Variants in C5orf15 observed in about 807,000 individuals in gnomAD.
C5orf15 encodes keratinocyte-associated transmembrane protein 2.
In C5orf15, 10 loss-of-function variants were observed where a neutral mutation model predicts 17.8. That is an observed-to-expected ratio of 0.56 (90% CI 0.35 to 0.95). The LOEUF is 0.95. Ranked by LOEUF, C5orf15 falls within the 40% of genes least tolerant of loss-of-function variation. C5orf15 has a pLI of 0.02. For synonymous variants in C5orf15, 124 were observed against 131.0 expected (o/e 0.95, Z 0.36); for missense variants, 319 against 331.7 (o/e 0.96, Z 0.30).
chr5:133,962,553 T>G (rs980831623), intron 1 of C5orf15, among the ~76,000 whole-genome samples: 1 of 152,188 alleles, frequency 6.6e-6, no homozygotes, highest in Non-Finnish European at 1.5e-5. Flanking sequence ...CCCCTAATTC[T>G]TAATGATCTT....
chr5:133,959,354 A>T, intron 2 of C5orf15, 140 bp downstream of exon 2: 1 of 513,808 alleles, frequency 1.9e-6, no homozygotes. Flanking sequence ...TGATTGTGCC[A>T]CTGTACTCCA....
chr5:133,958,424 A>G (rs2126876166), intron 2 of C5orf15, among the ~76,000 whole-genome samples: 1 of 151,966 alleles, frequency 6.6e-6, no homozygotes, highest in African/African-American at 2.4e-5. Context: ...TAAAAATACG[A>G]AAATTAGCCA....
At chr5:133,961,772 ATT>A (rs55963520) in intron 1 of C5orf15, among the ~76,000 whole-genome samples, 19 of 141,670 alleles carry the variant, frequency 1.3e-4, no homozygotes, top group Middle Eastern at 3.5e-3. Context: ...GCCATATGCA[ATT>A]TTTTTTTTTT....
chr5:133,959,404 C>CGA (rs1752084810), intron 2 of C5orf15, 90 bp downstream of exon 2: 1 of 121,926 alleles, frequency 8.2e-6, no homozygotes, highest in Admixed American at 2.2e-4. Flanking sequence ...CTTTTTTTTG[C>CGA]AAAAAAAAAA....
intron 1 of C5orf15, among the ~76,000 whole-genome samples, chr5:133,963,902 C>T (rs1004471568): frequency 6.6e-6 from 1 of 152,094 alleles, no homozygotes. Context: ...CTACCTATAC[C>T]ATAGAATATT....
Position 133,968,554 on chromosome 5 carries a change from C to T in C5orf15, c.31G>A (p.Gly11Arg). 6.2e-7 allele frequency: 1 copy of T among 1,610,136 alleles called. No homozygotes were observed. Among genetic ancestry groups the T allele is most frequent in the Non-Finnish European group, 8.5e-7 (1 of 1,178,796 alleles). Residue 11 changes from glycine to arginine, a missense_variant, in exon 1 of 3, where the codon GGG becomes AGG. This residue lies in a region of C5orf15 where 127 missense variants were observed against 95.6 expected (regional missense o/e 1.33). Coordinates refer to ENST00000231512, the MANE Select transcript of C5orf15 (RefSeq NM_020199.3). ...GGCAGCAGTTTCGCTTGTGCTGGCC[C>T]CCTCATCCTCTTCGGGACGGCAGCG... MAAAVPKRMR[G>R]PAQAKLLPGS... is the part of the protein sequence containing the mutation.
At chr5:133,959,008 A>G (rs1752078724) in intron 2 of C5orf15, among the ~76,000 whole-genome samples, 1 of 152,206 alleles carries the variant, frequency 6.6e-6, no homozygotes, top group African/African-American at 2.4e-5. Flanking sequence ...GTTAAAATAC[A>G]CAATAGATTT....
At chr5:133,964,495 T>C (rs942367760) in intron 1 of C5orf15, among the ~76,000 whole-genome samples, 2 of 152,196 alleles carry the variant, frequency 1.3e-5, no homozygotes, top group Admixed American at 6.5e-5. Context: ...ATTTTGACTG[T>C]ACCAATGTTA....
intron 2 of C5orf15, 90 bp downstream of exon 2, chr5:133,959,404 C>CAAAAAAAAAA (rs397999300): frequency 6.4e-5 from 8 of 124,562 alleles, no homozygotes; most frequent in Admixed American, 2.2e-4. Flanking sequence ...CTTTTTTTTG[C>CAAAAAAAAAA]AAAAAAAAAA....
chr5:133,960,262 C>A (rs1369821533), intron 1 of C5orf15, among the ~76,000 whole-genome samples: 1 of 152,182 alleles, frequency 6.6e-6, no homozygotes, highest in Non-Finnish European at 1.5e-5. Flanking sequence ...AGACCTACTG[C>A]ATCATACAGC....
At chr5:133,966,875 G>A (rs1057106045) in intron 1 of C5orf15, among the ~76,000 whole-genome samples, 1 of 152,190 alleles carries the variant, frequency 6.6e-6, no homozygotes, top group African/African-American at 2.4e-5. Context: ...TGTATGTAAA[G>A]ACTTAATTTA....
intron 1 of C5orf15, among the ~76,000 whole-genome samples, chr5:133,966,661 T>C (rs572727728): frequency 2.9e-4 from 44 of 152,370 alleles, no homozygotes; most frequent in East Asian, 2.1e-3. Context: ...CACTTGAAAT[T>C]TGGAACTCAA....
At position 133,959,547 on chromosome 5, in the gene C5orf15, T is replaced by C. The variant is rs752616589; in HGVS notation, c.613A>G (p.Ile205Val). 21 of 1,597,744 alleles carry C rather than the reference T, an allele frequency of 1.3e-5. No homozygotes were observed. Among genetic ancestry groups the C allele is most frequent in the Admixed American group, 3.6e-5 (2 of 56,336 alleles). The part of the protein sequence containing the change: ...EDSHFFFHLI[I>V]FAFCIAVVYI... ...ACAACAGCAATGCAAAAAGCAAAAA[T>C]AATAAGATGAAAAAAGAAATGGCTG... The change falls in exon 2 of 3, where the codon ATT (isoleucine) becomes GTT (valine). Residue 205 changes from isoleucine (I) to valine (V), a missense_variant. Transcript: ENST00000231512.
chr5:133,959,000 T>C (rs1431618053), intron 2 of C5orf15, among the ~76,000 whole-genome samples: 1 of 152,164 alleles, frequency 6.6e-6, no homozygotes, highest in Non-Finnish European at 1.5e-5. Flanking sequence ...TGCAGTGTGT[T>C]AAAATACACA....
intron 1 of C5orf15, among the ~76,000 whole-genome samples, chr5:133,964,856 T>C (rs1378444978): frequency 1.9e-4 from 29 of 152,170 alleles, no homozygotes; most frequent in Non-Finnish European, 1.2e-4. Context: ...GTAACCATTA[T>C]CTCACATGGA....
At position 133,959,518 on chromosome 5, in the gene C5orf15, G is replaced by C; in HGVS notation, c.642C>G (p.Tyr214Ter). Reference protein sequence around the residue: ...IIFAFCIAVVYITYHNKRKIF... With the variant: ...IIFAFCIAVV ...CCTTCCTTTTGTTGTGATATGTAAT[G>C]TAAACAACAGCAATGCAAAAAGCAA... Residue 214 changes from tyrosine (Y) to a stop codon, truncating the protein, a stop_gained, in exon 2 of 3, where the codon TAC becomes TAG. Coordinates refer to ENST00000231512, the MANE Select transcript of C5orf15 (RefSeq NM_020199.3). LOFTEE classifies it high-confidence loss of function. 6.8e-7 allele frequency: 1 copy of C among 1,477,704 alleles called. No homozygotes were observed. The highest frequency in any genetic ancestry group is 9.1e-7 in the Non-Finnish European group (1 of 1,100,752). 91.5% of individuals were successfully genotyped at this position (1,477,704 alleles called of 1,614,324 possible). A position where few individuals can be genotyped will look rare whatever the true frequency, so the allele number is the denominator to read the frequency against.
chr5:133,960,353 G>C (rs1210659495), intron 1 of C5orf15, among the ~76,000 whole-genome samples: 1 of 152,116 alleles, frequency 6.6e-6, no homozygotes, highest in Non-Finnish European at 1.5e-5. Context: ...CATCCCCTCT[G>C]TTTTCATTTC....
chr5:133,959,712 C>T lies in C5orf15; in HGVS notation c.448G>A (p.Glu150Lys), dbSNP rs1286216399. Residue 150 changes from glutamate to lysine, a missense_variant, in exon 2 of 3, where the codon GAA becomes AAA. Physicochemically the swap from Glu to Lys is moderately conservative, Grantham distance 56. Coordinates refer to ENST00000231512, the MANE Select transcript of C5orf15 (RefSeq NM_020199.3). Reference protein sequence around the residue: ...KDTLDNGDYGEPDYDWTTGPR... With the variant: ...KDTLDNGDYGKPDYDWTTGPR... ...CCCGTGGTCCAGTCATAGTCTGGTT[C>T]TCCATAATCGCCATTGTCTAGAGTG... 6.2e-7 allele frequency: 1 copy of T among 1,613,872 alleles called. No homozygotes were observed. Among genetic ancestry groups the T allele is most frequent in the Admixed American group, 1.7e-5 (1 of 59,990 alleles).
At chr5:133,960,939 A>T (rs559757667) in intron 1 of C5orf15, among the ~76,000 whole-genome samples, 18 of 139,186 alleles carry the variant, frequency 1.3e-4, no homozygotes, top group East Asian at 1.0e-3. Flanking sequence ...CTAAAAAAAT[A>T]AAAAAAAAAA....
Sources: gnomAD v4.1 joint callset for allele counts (sites outside exome capture counted in the v4.1 genomes callset) on GRCh38, gnomAD v4.1.1 for gene constraint, gnomAD v4.1.1 regional missense constraint, MANE v1.5 for transcripts, NCBI Gene and HGNC (gene_info 2026-07-23, HGNC 2026-07-21) for gene names.